Variants in MAP4 observed in about 807,000 individuals in gnomAD.
MAP4 encodes microtubule-associated protein 4.
Under a neutral mutation model 170.2 loss-of-function variants are expected in MAP4, and 76 were observed. The observed-to-expected ratio is 0.45, with a 90% CI of 0.37 to 0.54. MAP4 has a LOEUF of 0.54. Among genes scored for constraint, MAP4 ranks in the 20% least tolerant of loss-of-function variants. The probability of loss-of-function intolerance (pLI) is 0.00; values close to 1 mark genes in which losing one functional copy is unlikely to be tolerated. For synonymous variants in MAP4, 909 were observed against 994.5 expected (o/e 0.91, Z 1.62); for missense variants, 2,506 against 2,748.0 (o/e 0.91, Z 1.97).
chr3:47,876,605 T>A (rs2095480275), intron 11 of MAP4, among the ~76,000 whole-genome samples: 1 of 152,180 alleles, frequency 6.6e-6, no homozygotes, highest in Non-Finnish European at 1.5e-5. Flanking sequence ...AATAACTTTT[T>A]AATTTTTTGA....
intron 3 of MAP4, among the ~76,000 whole-genome samples, chr3:47,969,298 C>T (rs1036984661): frequency 1.3e-5 from 2 of 152,168 alleles, no homozygotes; most frequent in Non-Finnish European, 2.9e-5. Context: ...ACCCCAGCTA[C>T]TCGGGAGGCT....
intron 1 of MAP4, among the ~76,000 whole-genome samples, chr3:48,051,405 A>G (rs1222373088): frequency 6.6e-6 from 1 of 152,000 alleles, no homozygotes; most frequent in Non-Finnish European, 1.5e-5. Context: ...AAAATTTAAA[A>G]AATTAAACAC....
intron 2 of MAP4, among the ~76,000 whole-genome samples, chr3:47,994,291 G>A (rs992840480): frequency 1.3e-5 from 2 of 152,112 alleles, no homozygotes; most frequent in African/African-American, 2.4e-5. Context: ...CATAATGCAC[G>A]GTGGAGACAT....
At chr3:47,964,711 T>C (rs767138726) in intron 3 of MAP4, among the ~76,000 whole-genome samples, 64 of 152,232 alleles carry the variant, frequency 4.2e-4, no homozygotes, top group Admixed American at 7.8e-4. Context: ...AATGTTGACA[T>C]ATTTGTGTAT....
chr3:47,852,992 G>A (rs377730254), intron 20 of MAP4, 54 bp from the exon 21 acceptor site: 39 of 1,614,092 alleles, frequency 2.4e-5, no homozygotes, highest in Non-Finnish European at 3.3e-5. Context: ...GACAAGAGGG[G>A]AACACGGGGG....
intron 3 of MAP4, among the ~76,000 whole-genome samples, chr3:47,946,891 T>C (rs1367382231): frequency 6.6e-6 from 1 of 152,130 alleles, no homozygotes; most frequent in Non-Finnish European, 1.5e-5. Context: ...AGTTTTTGGT[T>C]TAAAGCCAGA....
At chr3:47,988,314 T>A (rs1048210569) in intron 2 of MAP4, among the ~76,000 whole-genome samples, 1 of 151,294 alleles carries the variant, frequency 6.6e-6, no homozygotes, top group African/African-American at 2.4e-5. Flanking sequence ...AATGACCCAA[T>A]TGAAAGAAAA....
intron 1 of MAP4, among the ~76,000 whole-genome samples, chr3:48,002,596 A>C (rs921673379): frequency 1.1e-4 from 16 of 151,824 alleles, no homozygotes; most frequent in Non-Finnish European, 2.2e-4. Context: ...AAAATAAAAA[A>C]TAAATAGGGT....
chr3:48,080,625 T>C (rs2100146140), intron 1 of MAP4, among the ~76,000 whole-genome samples: 1 of 152,138 alleles, frequency 6.6e-6, no homozygotes, highest in Non-Finnish European at 1.5e-5. Context: ...GGTAGGAGGA[T>C]TGCTTGAGGC....
chr3:48,036,162 C>CA (rs1413524248), intron 1 of MAP4, among the ~76,000 whole-genome samples: 18 of 152,200 alleles, frequency 1.2e-4, no homozygotes, highest in Admixed American at 1.2e-3. Flanking sequence ...TATTGTCTCT[C>CA]ACAGCAATCT....
chr3:47,876,975 T>C (rs1413606145), intron 11 of MAP4: 1 of 153,530 alleles, frequency 6.5e-6, no homozygotes, highest in Non-Finnish European at 1.4e-5. Context: ...TCCAACTCCT[T>C]GGTTCAAGCA....
intron 4 of MAP4, among the ~76,000 whole-genome samples, chr3:47,925,329 T>G (rs937031804): frequency 6.6e-5 from 10 of 152,140 alleles, no homozygotes; most frequent in Admixed American, 3.3e-4. Context: ...TTTTTTTTCC[T>G]ACTCAAAATT....
intron 2 of MAP4, among the ~76,000 whole-genome samples, chr3:47,985,747 AAAG>A (rs2100088264): frequency 6.6e-6 from 1 of 152,214 alleles, no homozygotes; most frequent in Admixed American, 6.5e-5. Context: ...TGTTCCAATT[AAAG>A]AAGACTGAAG....
In MAP4 at chr3:47,920,895, C is replaced by T. The variant is rs114003524; in HGVS notation, c.529+870G>A. Among the ~76,000 whole-genome samples, 602 of 152,266 alleles carry T rather than the reference C, an allele frequency of 4.0e-3. 4 individuals carry two copies. Among genetic ancestry groups the T allele is most frequent in the African/African-American group, 0.014 (580 of 41,560 alleles). ...AAATGTGGCTGGGTGCAAAGGCTCA[C>T]GCCTGTAATCTCAGCACTTTGGGAG... On this transcript the variant is annotated intron_variant, in intron 5 of 20. Coordinates refer to ENST00000683076, the MANE Select transcript of MAP4 (RefSeq NM_001385682.1).
chr3:48,011,431 T>TA (rs1316490418), intron 1 of MAP4, among the ~76,000 whole-genome samples: 1 of 151,884 alleles, frequency 6.6e-6, no homozygotes. Flanking sequence ...TATGCACCTG[T>TA]AATCCCAGCT....
intron 3 of MAP4, among the ~76,000 whole-genome samples, chr3:47,962,079 C>T (rs2100071889): frequency 6.6e-6 from 1 of 152,178 alleles, no homozygotes; most frequent in Admixed American, 6.5e-5. Flanking sequence ...TAGAAGTTAC[C>T]TTATCTGATT....
At chr3:47,925,868 T>G (rs1268680119) in intron 4 of MAP4, among the ~76,000 whole-genome samples, 1 of 152,186 alleles carries the variant, frequency 6.6e-6, no homozygotes, top group African/African-American at 2.4e-5. Context: ...CAGCGGAATT[T>G]TTTTGGAGAC....
At chr3:47,888,230 G>A (rs2097943193) in intron 10 of MAP4, among the ~76,000 whole-genome samples, 1 of 152,186 alleles carries the variant, frequency 6.6e-6, no homozygotes, top group African/African-American at 2.4e-5. Flanking sequence ...AGCAGGATGT[G>A]GGTGGGCCCA....
At chr3:47,873,587 C>T (rs935098954) in intron 12 of MAP4, among the ~76,000 whole-genome samples, 1 of 152,088 alleles carries the variant, frequency 6.6e-6, no homozygotes, top group African/African-American at 2.4e-5. Context: ...CAAATAAAGG[C>T]CTTAAGTATG....
Sources: gnomAD v4.1 joint callset for allele counts (sites outside exome capture counted in the v4.1 genomes callset) on GRCh38, gnomAD v4.1.1 for gene constraint, MANE v1.5 for transcripts, NCBI Gene and HGNC (gene_info 2026-07-23, HGNC 2026-07-21) for gene names.